The following EGFLAM variants were observed in gnomAD, a reference collection of about 807,000 sequenced individuals.
The protein encoded by EGFLAM is pikachurin.
A neutral mutation model predicts 113.1 loss-of-function variants in EGFLAM; 79 were observed. That is an observed-to-expected ratio of 0.70 (90% CI 0.58 to 0.84). EGFLAM has a LOEUF of 0.84. Among genes scored for constraint, EGFLAM ranks in the 40% least tolerant of loss-of-function variants. The pLI, the probability that EGFLAM is intolerant of heterozygous loss-of-function variation, is 0.00. For missense variants in EGFLAM, 1,265 were observed against 1,291.6 expected (o/e 0.98, Z 0.32); for synonymous variants, 504 against 487.6 (o/e 1.03, Z -0.44).
At chr5:38,307,216 C>T (rs570154295) in intron 1 of EGFLAM, among the ~76,000 whole-genome samples, 2 of 152,310 alleles carry the variant, frequency 1.3e-5, no homozygotes, top group South Asian at 4.1e-4. Context: ...TAACATATTC[C>T]TATTTTTATT....
Position 38,274,981 on chromosome 5 carries a change from T to C in EGFLAM, c.97+16130T>C, listed in dbSNP as rs951480597. 5.0e-5 allele frequency among the ~76,000 whole-genome samples: 5 copies of C among 100,530 alleles called. No homozygotes were observed. The East Asian group carries it at 7.5e-4, about 15-fold the overall frequency. The allele number at this position is 100,530 out of a possible 152,430, so 66.0% of individuals were successfully genotyped here. ...GGGTAGTGAAGTTAAAGTGTAGAGA[T>C]TTTTTTTTCCAATCAAAGTTAAGTT... On this transcript the variant is annotated intron_variant, in intron 1 of 21. Coordinates refer to ENST00000322350, the MANE Select transcript of EGFLAM (RefSeq NM_152403.4).
chr5:38,340,701 A>G (rs1293693141), intron 3 of EGFLAM, among the ~76,000 whole-genome samples: 1 of 152,214 alleles, frequency 6.6e-6, no homozygotes, highest in African/African-American at 2.4e-5. Flanking sequence ...GGACCAAAGC[A>G]GGAACTTTCT....
intron 11 of EGFLAM, among the ~76,000 whole-genome samples, chr5:38,415,907 A>G (rs1346237098): frequency 6.6e-6 from 1 of 152,122 alleles, no homozygotes; most frequent in African/African-American, 2.4e-5. Flanking sequence ...AGATCTCATG[A>G]GAACTCACTA....
intron 17 of EGFLAM, 145 bp downstream of exon 17, chr5:38,438,600 T>C: frequency 2.5e-6 from 2 of 800,958 alleles, no homozygotes; most frequent in South Asian, 3.4e-5. Flanking sequence ...AATAACTTAT[T>C]AGATGATTAT....
Position 38,427,174 on chromosome 5 carries a change from A to T in EGFLAM, c.1976A>T (p.Lys659Ile), listed in dbSNP as rs1207253058. The change falls in exon 14 of 22, where the codon AAA (lysine) becomes ATA (isoleucine). Residue 659 changes from lysine (K) to isoleucine (I), a missense_variant. Transcript: ENST00000322350. Reference protein sequence around the residue: ...VLLYSYDTGSKDFLSINLAGG... With the variant: ...VLLYSYDTGSIDFLSINLAGG... ...CTGTACAGCTATGACACAGGCAGCA[A>T]AGACTTCCTGTCCATCAACTTGGCA... 3.1e-6 allele frequency: 5 copies of T among 1,614,024 alleles called. No homozygotes were observed. Among genetic ancestry groups the T allele is most frequent in the Non-Finnish European group, 4.2e-6 (5 of 1,180,026 alleles).
At chr5:38,401,303 A>G (rs1741104590) in intron 6 of EGFLAM, 1 of 152,188 alleles carries the variant, frequency 6.6e-6, no homozygotes, top group Non-Finnish European at 1.5e-5. Context: ...GGTTCTTCTG[A>G]CTGAACTATC....
chr5:38,276,269 C>T (rs1024476952), intron 1 of EGFLAM, among the ~76,000 whole-genome samples: 10 of 152,158 alleles, frequency 6.6e-5, no homozygotes, highest in African/African-American at 9.7e-5. Flanking sequence ...AATTATCTCC[C>T]ACTGGGCCCC....
intron 6 of EGFLAM, among the ~76,000 whole-genome samples, chr5:38,384,145 A>G (rs1740594735): frequency 6.6e-6 from 1 of 152,074 alleles, no homozygotes; most frequent in Non-Finnish European, 1.5e-5. Context: ...TAAGGAGGCA[A>G]TTTTATATTG....
At chr5:38,416,065 T>A (rs192307388) in intron 11 of EGFLAM, among the ~76,000 whole-genome samples, 57 of 149,572 alleles carry the variant, frequency 3.8e-4, no homozygotes, top group African/African-American at 1.1e-3. Flanking sequence ...TGTTTTTTTT[T>A]TAAAAAAATA....
chr5:38,368,554 A>T (rs74378739), intron 5 of EGFLAM, among the ~76,000 whole-genome samples: 5,534 of 152,216 alleles, frequency 0.036, 342 homozygotes, highest in African/African-American at 0.13. Flanking sequence ...TAGCAAAATG[A>T]CTCTCTATTT....
chr5:38,462,344 C>A (rs1257458056), intron 20 of EGFLAM, among the ~76,000 whole-genome samples: 1 of 152,162 alleles, frequency 6.6e-6, no homozygotes, highest in South Asian at 2.1e-4. Context: ...GAAATTTCTT[C>A]CCTGGCCCGC....
At chr5:38,295,779 G>T (rs1028887095) in intron 1 of EGFLAM, among the ~76,000 whole-genome samples, 1 of 152,176 alleles carries the variant, frequency 6.6e-6, no homozygotes, top group Non-Finnish European at 1.5e-5. Flanking sequence ...AAAGCAGAAT[G>T]TATTTCATGT....
intron 6 of EGFLAM, among the ~76,000 whole-genome samples, chr5:38,372,281 T>C (rs1259637968): frequency 1.3e-5 from 2 of 152,090 alleles, no homozygotes; most frequent in African/African-American, 4.8e-5. Context: ...TAGCTGGTAT[T>C]GCAGGTGCCC....
In EGFLAM at chr5:38,406,905, A is replaced by G. The variant is rs761532989; in HGVS notation, c.906A>G (p.Pro302=). The G allele has an allele frequency of 1.2e-6, 2 of 1,614,192 alleles. No homozygotes were observed. Among genetic ancestry groups the G allele is most frequent in the South Asian group, 2.2e-5 (2 of 91,086 alleles). The stretch of plus-strand genomic sequence containing the variant: ...GCAAGAAGATGTCTATATCTAACCC[A>G]AAGACCATTTCTAGGCTCATCCCCC... The part of the protein sequence containing the change: ...VESKKMSISN[P]KTISRLIPPT... Residue 302 remains proline (P), a synonymous_variant, in exon 8 of 22, where the codon CCA becomes CCG. Transcript: ENST00000322350.
intron 17 of EGFLAM, among the ~76,000 whole-genome samples, chr5:38,444,331 A>G (rs539178374): frequency 7.5e-4 from 115 of 152,364 alleles, no homozygotes; most frequent in African/African-American, 2.6e-3. Context: ...AGTGGGGAAT[A>G]GGAAGAGATT....
chr5:38,311,105 ATTATAT>A (rs1738431238), intron 1 of EGFLAM, among the ~76,000 whole-genome samples: 3 of 152,024 alleles, frequency 2.0e-5, no homozygotes. Flanking sequence ...ATTGACAAAG[ATTATAT>A]TTATTTATGG....
intron 1 of EGFLAM, among the ~76,000 whole-genome samples, chr5:38,270,609 A>G (rs1697746471): frequency 6.6e-6 from 1 of 151,940 alleles, no homozygotes; most frequent in Admixed American, 6.6e-5. Flanking sequence ...GTAAGACTCC[A>G]GTCAGACAGA....
intron 12 of EGFLAM, 148 bp from the exon 13 acceptor site, chr5:38,424,819 C>T (rs181003426): frequency 9.4e-7 from 1 of 1,062,196 alleles, no homozygotes; most frequent in East Asian, 2.7e-5. Flanking sequence ...CCTGAAAGCC[C>T]ATTTGCAGTT....
rs1465226955 is a variant in EGFLAM at position 38,447,432 on chromosome 5, CCTGCTA to C, written c.2465-866_2465-861del. Among the ~76,000 whole-genome samples, 3 of 152,264 alleles carry C rather than the reference CCTGCTA, an allele frequency of 2.0e-5. No individual in the cohort carries two copies. The East Asian group carries it at 5.8e-4, about 29-fold the overall frequency. On this transcript the variant is annotated intron_variant, in intron 17 of 21. Transcript: ENST00000322350. Reference sequence around the variant, plus strand: ...CCAACCCTTCCCTTCCCCCATACTACCTGCTACTTCATGAGATTGTAGTGAAGATCT... The same window carrying C: ...CCAACCCTTCCCTTCCCCCATACTACCTTCATGAGATTGTAGTGAAGATCT...
Sources: allele counts gnomAD v4.1 joint callset (sites outside exome capture counted in the v4.1 genomes callset), GRCh38; gene constraint gnomAD v4.1.1; transcripts MANE v1.5; gene names NCBI Gene and HGNC (gene_info 2026-07-23, HGNC 2026-07-21).